COQ3: variants seen among roughly 807,000 people sequenced by gnomAD.
COQ3 encodes the protein ubiquinone biosynthesis O-methyltransferase, mitochondrial.
In COQ3, 29 loss-of-function variants were observed where a neutral mutation model predicts 33.1. That is an observed-to-expected ratio of 0.88 (90% confidence interval 0.65 to 1.19). The LOEUF (loss-of-function observed/expected upper bound fraction) is 1.19, where lower values mean the gene tolerates loss of function less well. Among genes scored for constraint, COQ3 ranks in the 50% most tolerant of loss-of-function variants. COQ3 has a pLI of 0.00. For missense variants in COQ3, 437 were observed against 430.7 expected (o/e 1.01, Z -0.13); for synonymous variants, 173 against 157.8 (o/e 1.10, Z -0.72).
chr6:99,388,106 G>A (rs889326592), intron 1 of COQ3, among the ~76,000 whole-genome samples: 1 of 152,092 alleles, frequency 6.6e-6, no homozygotes, highest in African/African-American at 2.4e-5. Context: ...GGAGGTTGCG[G>A]TGAGCAGAGG....
At chr6:99,377,013 TG>T (rs1774303446) in intron 4 of COQ3, among the ~76,000 whole-genome samples, 1 of 150,912 alleles carries the variant, frequency 6.6e-6, no homozygotes, top group African/African-American at 2.4e-5. Flanking sequence ...TGTGTGTGTG[TG>T]TGTGTGTGTA....
chr6:99,370,676 T>C (rs559383502), intron 6 of COQ3, among the ~76,000 whole-genome samples: 3 of 152,130 alleles, frequency 2.0e-5, no homozygotes, highest in East Asian at 1.9e-4. Context: ...AAGTTACTCA[T>C]AGAAATCTTT....
intron 5 of COQ3, among the ~76,000 whole-genome samples, chr6:99,372,367 G>C (rs989914872): frequency 1.1e-4 from 16 of 151,392 alleles, no homozygotes; most frequent in African/African-American, 3.6e-4. Flanking sequence ...TTTATATAAA[G>C]AGAACAACAT....
chr6:99,377,098 C>G (rs975887085), intron 4 of COQ3, among the ~76,000 whole-genome samples: 1 of 151,136 alleles, frequency 6.6e-6, no homozygotes, highest in Non-Finnish European at 1.5e-5. Context: ...CAACCTCTGC[C>G]TCCCGGGTTC....
chr6:99,371,576 A>C lies in COQ3; in HGVS notation c.741T>G (p.Ser247=), dbSNP rs532542171. 72 of 1,596,668 alleles carry C rather than the reference A, an allele frequency of 4.5e-5. No individual in the cohort carries two copies. The South Asian group carries it at 7.0e-4, about 15-fold the overall frequency. ...TTTTGTTGATTGTAGTAATGAATAA[A>C]GAACCACCGGGCTAAAAGAAATGAA... ...CCCQVLKPGG[S]LFITTINKTQ... is the part of the protein sequence containing the mutation. The change falls in exon 6 of 7, where the codon TCT becomes TCG. Residue 247 remains serine (S), a synonymous_variant. Coordinates refer to ENST00000254759, the MANE Select transcript of COQ3 (RefSeq NM_017421.4).
intron 3 of COQ3, among the ~76,000 whole-genome samples, chr6:99,378,494 G>T (rs1366732522): frequency 1.3e-5 from 2 of 152,060 alleles, no homozygotes; most frequent in Non-Finnish European, 2.9e-5. Context: ...ACTGCCCTGG[G>T]TTATTATGTG....
chr6:99,375,030 C>T (rs1170771742), intron 5 of COQ3, among the ~76,000 whole-genome samples: 1 of 149,944 alleles, frequency 6.7e-6, no homozygotes, highest in African/African-American at 2.5e-5. Flanking sequence ...GTTGCCCAGG[C>T]ACAATCTCGG....
intron 4 of COQ3, 120 bp from the exon 5 acceptor site, chr6:99,376,302 A>G (rs1221199295): frequency 4.0e-6 from 4 of 999,984 alleles, no homozygotes; most frequent in Admixed American, 2.8e-5. Flanking sequence ...GACATCATTT[A>G]TGGGTACATG....
At position 99,392,420 on chromosome 6, in the gene COQ3, T is replaced by G. The variant is rs1774855704; in HGVS notation, c.106+1654A>C. On this transcript the variant is annotated intron_variant, in intron 1 of 6. Coordinates refer to ENST00000254759, the MANE Select transcript of COQ3 (RefSeq NM_017421.4). Reference sequence around the variant, plus strand: ...CTGTTCATGTTGCTTCTTCAGTGATTTCCACTGTCCGCGGGATAGTCTACC... The same window carrying G: ...CTGTTCATGTTGCTTCTTCAGTGATGTCCACTGTCCGCGGGATAGTCTACC... Among the ~76,000 whole-genome samples, 4 of 152,186 alleles carry G rather than the reference T, an allele frequency of 2.6e-5. No homozygotes were observed. The South Asian group carries it at 8.3e-4, about 31-fold the overall frequency.
chr6:99,378,105 CATATATATATAT>C (rs57039767), intron 3 of COQ3, among the ~76,000 whole-genome samples: 855 of 77,370 alleles, frequency 0.011, 17 homozygotes, highest in African/African-American at 0.034. Context: ...GTAAACTAAA[CATATATATATAT>C]ATATATATAT....
At chr6:99,378,565 T>A (rs983200044) in intron 3 of COQ3, among the ~76,000 whole-genome samples, 2 of 152,140 alleles carry the variant, frequency 1.3e-5, no homozygotes, top group Non-Finnish European at 2.9e-5. Flanking sequence ...TTAGTATACA[T>A]CAGAATCACG....
intron 1 of COQ3, among the ~76,000 whole-genome samples, chr6:99,388,332 C>T (rs1562209910): frequency 6.6e-6 from 1 of 151,984 alleles, no homozygotes; most frequent in Non-Finnish European, 1.5e-5. Flanking sequence ...TTCATTGTTG[C>T]ATAAATCAAA....
intron 2 of COQ3, 74 bp downstream of exon 2, chr6:99,383,624 G>T: frequency 8.5e-7 from 1 of 1,176,744 alleles, no homozygotes; most frequent in Admixed American, 2.5e-5. Flanking sequence ...TACTGACTGG[G>T]TTTATTAAAG....
At chr6:99,370,004 A>C (rs1307544936) in intron 6 of COQ3, among the ~76,000 whole-genome samples, 184 bp from the exon 7 acceptor site, 1 of 152,164 alleles carries the variant, frequency 6.6e-6, no homozygotes, top group African/African-American at 2.4e-5. Flanking sequence ...ACTAATCACA[A>C]TTTACTGCAG....
At chr6:99,391,775 G>A (rs12192654) in intron 1 of COQ3, among the ~76,000 whole-genome samples, 19,852 of 152,098 alleles carry the variant, frequency 0.13, 1,863 homozygotes, top group Non-Finnish European at 0.18. Context: ...AAGGTGGGCG[G>A]CCTGCTTGAG....
At chr6:99,392,617 C>T (rs530832509) in intron 1 of COQ3, among the ~76,000 whole-genome samples, 1 of 151,330 alleles carries the variant, frequency 6.6e-6, no homozygotes, top group South Asian at 2.1e-4. Flanking sequence ...GGTCCTTTCC[C>T]CTCTCCAACT....
intron 1 of COQ3, among the ~76,000 whole-genome samples, chr6:99,390,184 T>TA: frequency 6.6e-6 from 1 of 152,282 alleles, no homozygotes; most frequent in African/African-American, 2.4e-5. Context: ...TCCCTGTAGG[T>TA]AAAATCTCAA....
At position 99,371,497 on chromosome 6, in the gene COQ3, C is replaced by T. The variant is rs768550326; in HGVS notation, c.820G>A (p.Val274Ile). 1.2e-6 allele frequency: 2 copies of T among 1,606,814 alleles called. No homozygotes were observed. The highest frequency in any genetic ancestry group is 8.5e-7 in the Non-Finnish European group (1 of 1,175,362). Reference sequence around the variant, plus strand: ...TCCCATGTATGAGTACCTTTTGGTACAATACTTGCAATTTGCTCTGAAAAA... The same window carrying T: ...TCCCATGTATGAGTACCTTTTGGTATAATACTTGCAATTTGCTCTGAAAAA... The part of the protein sequence containing the change: ...IVFSEQIASI[V>I]PKGTHTWEKF... The change falls in exon 6 of 7, where the codon GTA becomes ATA. Residue 274 changes from valine to isoleucine, a missense_variant. By Grantham distance (29) the Val-to-Ile change is conservative. Coordinates refer to ENST00000254759, the MANE Select transcript of COQ3 (RefSeq NM_017421.4).
intron 2 of COQ3, 78 bp from the exon 3 acceptor site, chr6:99,380,419 A>G: frequency 1.2e-5 from 17 of 1,445,342 alleles, no homozygotes; most frequent in Non-Finnish European, 1.5e-5. Flanking sequence ...ATGTAGAAAG[A>G]TAGTCTTATT....
Sources: gnomAD v4.1 joint callset for allele counts (sites outside exome capture counted in the v4.1 genomes callset) on GRCh38, gnomAD v4.1.1 for gene constraint, MANE v1.5 for transcripts, NCBI Gene and HGNC (gene_info 2026-07-23, HGNC 2026-07-21) for gene names.